NELL1: variants seen among roughly 807,000 people sequenced by gnomAD.
The protein encoded by NELL1 is protein kinase C-binding protein NELL1.
Under a neutral mutation model 107.4 loss-of-function variants are expected in NELL1, and 76 were observed. The observed-to-expected ratio is 0.71, with a 90% CI of 0.59 to 0.86. NELL1 has a LOEUF of 0.86. NELL1 is among the 40% of genes least tolerant of loss of function. The pLI, the probability that NELL1 is intolerant of heterozygous loss-of-function variation, is 0.00. For missense variants in NELL1, 1,024 were observed against 1,005.5 expected (o/e 1.02, Z -0.25); for synonymous variants, 353 against 341.2 (o/e 1.03, Z -0.38).
chr11:20,811,676 G>T (rs1263579365), intron 3 of NELL1, among the ~76,000 whole-genome samples: 1 of 151,758 alleles, frequency 6.6e-6, no homozygotes, highest in Non-Finnish European at 1.5e-5. Context: ...CTTTTCTTCT[G>T]GGTAATATTT....
intron 7 of NELL1, among the ~76,000 whole-genome samples, chr11:20,921,790 T>C (rs1441916016): frequency 1.0e-5 from 1 of 100,178 alleles, no homozygotes; most frequent in Non-Finnish European, 2.0e-5. Context: ...CTCTTTTTTA[T>C]TGTGTGTGTT....
At chr11:20,928,304 T>C in intron 8 of NELL1, 73 bp from the exon 9 acceptor site, 3 of 1,358,876 alleles carry the variant, frequency 2.2e-6, no homozygotes, top group Non-Finnish European at 3.2e-6. Flanking sequence ...TGGGATGAGA[T>C]TTCAATGATC....
intron 13 of NELL1, among the ~76,000 whole-genome samples, chr11:21,217,880 C>G (rs1000741055): frequency 3.9e-5 from 6 of 152,132 alleles, no homozygotes; most frequent in African/African-American, 1.4e-4. Context: ...GTCAATTGAT[C>G]ATGGCTACTG....
At chr11:20,806,252 T>TTGTG (rs3045512) in intron 3 of NELL1, among the ~76,000 whole-genome samples, 22 of 148,698 alleles carry the variant, frequency 1.5e-4, no homozygotes, top group South Asian at 6.6e-4. Flanking sequence ...TGTGAAGCAT[T>TTGTG]TGTGTGTGTG....
At chr11:21,391,868 G>GA (rs1333269083) in intron 15 of NELL1, among the ~76,000 whole-genome samples, 5 of 151,756 alleles carry the variant, frequency 3.3e-5, no homozygotes, top group Admixed American at 1.3e-4. Flanking sequence ...TGCCACTTAT[G>GA]AAAAGTTGAT....
chr11:21,290,398 G>GATAGATAA (rs1554995056), intron 14 of NELL1, among the ~76,000 whole-genome samples: 8 of 146,446 alleles, frequency 5.5e-5, no homozygotes, highest in South Asian at 2.2e-4. Context: ...AAAATAAATA[G>GATAGATAA]ATAAATAAAT....
chr11:20,698,126 C>T lies in NELL1; in HGVS notation c.184+20066C>T, dbSNP rs554511206. ...ATAACTTTGCATTTAATCAATTAGC[C>T]GAGTGATTCAATTCACATACCAGTG... On this transcript the variant is annotated intron_variant, in intron 2 of 19. Coordinates refer to ENST00000357134, the MANE Select transcript of NELL1 (RefSeq NM_006157.5). Among the ~76,000 whole-genome samples, 33 of 152,206 alleles carry T rather than the reference C, an allele frequency of 2.2e-4. 1 individual carries two copies. The highest frequency in any genetic ancestry group is 5.2e-4 in the Admixed American group (8 of 15,280).
At chr11:20,925,745 AC>A (rs1850482853) in intron 7 of NELL1, among the ~76,000 whole-genome samples, 2 of 151,950 alleles carry the variant, frequency 1.3e-5, no homozygotes, top group Admixed American at 1.3e-4. Context: ...TGTTTTTTCT[AC>A]CCTTTGCTAC....
intron 13 of NELL1, among the ~76,000 whole-genome samples, chr11:21,143,350 A>T (rs1855909468): frequency 6.6e-6 from 1 of 152,176 alleles, no homozygotes; most frequent in Non-Finnish European, 1.5e-5. Context: ...ATCAAGGTAT[A>T]GTTAGAGTAC....
chr11:20,959,424 A>C (rs767177683), intron 11 of NELL1, among the ~76,000 whole-genome samples: 12 of 152,220 alleles, frequency 7.9e-5, no homozygotes, highest in Non-Finnish European at 1.6e-4. Flanking sequence ...GAACCAACCC[A>C]AATGCCCATC....
chr11:21,031,063 G>T (rs1403372778), intron 12 of NELL1, among the ~76,000 whole-genome samples: 1 of 152,046 alleles, frequency 6.6e-6, no homozygotes, highest in Non-Finnish European at 1.5e-5. Context: ...TGAATAAAAA[G>T]GGTATTATAC....
chr11:21,247,766 G>C (rs1325443281), intron 14 of NELL1, among the ~76,000 whole-genome samples: 1 of 152,126 alleles, frequency 6.6e-6, no homozygotes, highest in African/African-American at 2.4e-5. Context: ...GTATATAATT[G>C]TATATGCTAT....
chr11:21,401,978 GATTTA>G (rs1852107663), intron 15 of NELL1, among the ~76,000 whole-genome samples: 1 of 151,682 alleles, frequency 6.6e-6, no homozygotes, highest in Non-Finnish European at 1.5e-5. Context: ...CCTCTCCTTT[GATTTA>G]ATTTATTAAA....
chr11:21,387,177 G>A (rs905580407), intron 15 of NELL1, among the ~76,000 whole-genome samples: 2 of 151,614 alleles, frequency 1.3e-5, no homozygotes, highest in Admixed American at 1.3e-4. Flanking sequence ...CCTGCTTTTA[G>A]GTCTCTATTT....
At position 20,670,172 on chromosome 11, in the gene NELL1, C is replaced by G. The variant is rs923402174; in HGVS notation, c.55+394C>G. Among the ~76,000 whole-genome samples, 5 of 152,132 alleles carry G rather than the reference C, an allele frequency of 3.3e-5. No individual in the cohort carries two copies. In the East Asian group the frequency reaches 9.7e-4, roughly 30 times the overall value. On this transcript the variant is annotated intron_variant, in intron 1 of 19. Coordinates refer to ENST00000357134, the MANE Select transcript of NELL1 (RefSeq NM_006157.5). ...ACCACTCTCGCCGACCCCCGCCAGG[C>G]TGGGAAGGGGTAGCTGCGGGAGTCG... is the stretch of plus-strand genomic sequence containing the variant.
chr11:21,294,919 G>A (rs1363018721), intron 14 of NELL1, among the ~76,000 whole-genome samples: 1 of 152,032 alleles, frequency 6.6e-6, no homozygotes, highest in Non-Finnish European at 1.5e-5. Context: ...AAAAGCTGAA[G>A]CCCAAGAAGG....
intron 16 of NELL1, 70 bp from the exon 17 acceptor site, chr11:21,560,119 C>T (rs7119475): frequency 0.91 from 1,297,848 of 1,428,506 alleles, 593,252 homozygotes; most frequent in Non-Finnish European, 0.94. Flanking sequence ...AATGCTACTG[C>T]AAATGATGGT....
chr11:20,753,896 G>C (rs1243364133), intron 2 of NELL1, among the ~76,000 whole-genome samples: 1 of 152,128 alleles, frequency 6.6e-6, no homozygotes, highest in Admixed American at 6.5e-5. Flanking sequence ...CAAGTTGTTT[G>C]CTTTGTTTTG....
intron 12 of NELL1, among the ~76,000 whole-genome samples, chr11:21,093,283 C>T (rs1041698788): frequency 2.0e-5 from 3 of 152,190 alleles, no homozygotes; most frequent in Admixed American, 1.3e-4. Context: ...AGGGATTATT[C>T]TGGTAACCCA....
Sources: allele counts gnomAD v4.1 joint callset (sites outside exome capture counted in the v4.1 genomes callset), GRCh38; gene constraint gnomAD v4.1.1; transcripts MANE v1.5; gene names NCBI Gene and HGNC (gene_info 2026-07-23, HGNC 2026-07-21).